The following RFX7 variants were observed in gnomAD, a reference collection of about 807,000 sequenced individuals.
The protein encoded by RFX7 is DNA-binding protein RFX7.
In RFX7, 26 loss-of-function variants were observed where a neutral mutation model predicts 111.8. That is an observed-to-expected ratio of 0.23 (90% CI 0.17 to 0.32). RFX7 has a LOEUF of 0.32. Among genes scored for constraint, RFX7 ranks in the 10% least tolerant of loss-of-function variants. The probability of loss-of-function intolerance (pLI) is 1.00; values close to 1 mark genes in which losing one functional copy is unlikely to be tolerated. For synonymous variants in RFX7, 624 were observed against 624.4 expected (o/e 1.00, Z 0.01); for missense variants, 1,573 against 1,772.9 (o/e 0.89, Z 2.02).
At chr15:56,207,495 C>T (rs2043266079) in intron 2 of RFX7, among the ~76,000 whole-genome samples, 1 of 152,114 alleles carries the variant, frequency 6.6e-6, no homozygotes, top group Non-Finnish European at 1.5e-5. Flanking sequence ...AGCTAAGCCT[C>T]ATACCTTACA....
intron 2 of RFX7, among the ~76,000 whole-genome samples, chr15:56,184,588 C>T (rs377227123): frequency 5.9e-5 from 9 of 152,070 alleles, no homozygotes; most frequent in African/African-American, 2.2e-4. Flanking sequence ...GGTAAATGTT[C>T]TCTATCAATT....
intron 5 of RFX7, among the ~76,000 whole-genome samples, chr15:56,110,541 TG>T (rs764386511): frequency 1.4e-4 from 1 of 7,300 alleles, no homozygotes; most frequent in African/African-American, 3.1e-4. Context: ...GGGAGGGAGG[TG>T]GGGGGGGTCA....
chr15:56,120,577 G>A (rs1475894412), intron 5 of RFX7, among the ~76,000 whole-genome samples: 2 of 152,152 alleles, frequency 1.3e-5, no homozygotes, highest in African/African-American at 4.8e-5. Context: ...AGATCTTAGA[G>A]GAAAGGCTTT....
chr15:56,157,633 T>G (rs1595975000), intron 3 of RFX7, among the ~76,000 whole-genome samples: 1 of 152,220 alleles, frequency 6.6e-6, no homozygotes, highest in East Asian at 1.9e-4. Flanking sequence ...CAGGCTGGAG[T>G]GCAGTGGCAC....
intron 2 of RFX7, chr15:56,193,080 C>A: frequency 4.0e-6 from 1 of 249,600 alleles, no homozygotes; most frequent in South Asian, 6.7e-5. Flanking sequence ...AGGCTTTTCT[C>A]AATTCCCTCT....
intron 5 of RFX7, among the ~76,000 whole-genome samples, chr15:56,121,755 A>C (rs1475485684): frequency 6.6e-6 from 1 of 151,986 alleles, no homozygotes; most frequent in Non-Finnish European, 1.5e-5. Context: ...GTGTATGTTC[A>C]AATAACCTGT....
chr15:56,219,801 T>C (rs2043404751), intron 2 of RFX7, among the ~76,000 whole-genome samples: 1 of 152,240 alleles, frequency 6.6e-6, no homozygotes. Context: ...GTCTTTGTTA[T>C]TGTGAATAGT....
intron 2 of RFX7, among the ~76,000 whole-genome samples, chr15:56,207,818 T>C (rs1234131124): frequency 2.6e-5 from 4 of 152,168 alleles, no homozygotes; most frequent in African/African-American, 7.2e-5. Context: ...ACAACTCTTC[T>C]TAGGATTTGT....
chr15:56,107,040 G>A (rs1187217408), intron 5 of RFX7, among the ~76,000 whole-genome samples: 3 of 152,118 alleles, frequency 2.0e-5, no homozygotes, highest in East Asian at 3.9e-4. Flanking sequence ...TTTCACACCC[G>A]TAATCCCATC....
At chr15:56,228,104 C>G (rs186321958) in intron 2 of RFX7, among the ~76,000 whole-genome samples, 2 of 152,064 alleles carry the variant, frequency 1.3e-5, no homozygotes, top group East Asian at 3.9e-4. Flanking sequence ...TCTGTAGGTA[C>G]AGTGGTTTTT....
At chr15:56,158,706 C>T (rs1274967810) in intron 3 of RFX7, among the ~76,000 whole-genome samples, 1 of 152,046 alleles carries the variant, frequency 6.6e-6, no homozygotes, top group Non-Finnish European at 1.5e-5. Flanking sequence ...CCTGTAGTCT[C>T]AGCTACTTGG....
chr15:56,146,365 G>A (rs1455439984), intron 3 of RFX7, among the ~76,000 whole-genome samples: 1 of 152,088 alleles, frequency 6.6e-6, no homozygotes, highest in African/African-American at 2.4e-5. Context: ...CTCCCAAAGT[G>A]CTGGGATGCT....
intron 2 of RFX7, among the ~76,000 whole-genome samples, chr15:56,179,555 A>G (rs2042941944): frequency 1.3e-5 from 2 of 152,176 alleles, no homozygotes; most frequent in South Asian, 2.1e-4. Flanking sequence ...TGAATAAACA[A>G]TTAAATTTTT....
chr15:56,222,526 CT>C (rs2043438256), intron 2 of RFX7, among the ~76,000 whole-genome samples: 1 of 152,092 alleles, frequency 6.6e-6, no homozygotes, highest in Non-Finnish European at 1.5e-5. Context: ...TTGTTCATTT[CT>C]TTTTCCTCTC....
intron 5 of RFX7, among the ~76,000 whole-genome samples, chr15:56,128,777 T>C (rs1212964502): frequency 6.6e-6 from 1 of 152,120 alleles, no homozygotes; most frequent in Non-Finnish European, 1.5e-5. Flanking sequence ...AAATTATCTC[T>C]ATTTTCAGAT....
At chr15:56,238,846 T>C (rs1393969238) in intron 2 of RFX7, among the ~76,000 whole-genome samples, 1 of 152,132 alleles carries the variant, frequency 6.6e-6, no homozygotes, top group Non-Finnish European at 1.5e-5. Flanking sequence ...TTTTAGTTTT[T>C]TATTTTGAAC....
intron 2 of RFX7, 59 bp downstream of exon 2, chr15:56,243,066 C>CCCCAATG: frequency 4.3e-6 from 5 of 1,161,756 alleles, no homozygotes; most frequent in Non-Finnish European, 5.9e-6. Context: ...GCCCCCCACC[C>CCCCAATG]ACTTTGCAGC....
chr15:56,099,040 C>T (rs561835137), intron 8 of RFX7, among the ~76,000 whole-genome samples: 303 of 151,854 alleles, frequency 2.0e-3, no homozygotes, highest in Non-Finnish European at 2.6e-3. Context: ...ACCTTTAAAA[C>T]AGTAAGATAA....
intron 5 of RFX7, among the ~76,000 whole-genome samples, chr15:56,111,123 G>C (rs199929423): frequency 0.082 from 10,501 of 128,380 alleles, 687 homozygotes; most frequent in East Asian, 0.39. Flanking sequence ...CCCTCTGCCC[G>C]GCCACCACCC....
Sources: allele counts gnomAD v4.1 joint callset (sites outside exome capture counted in the v4.1 genomes callset), GRCh38; gene constraint gnomAD v4.1.1; transcripts MANE v1.5; gene names NCBI Gene and HGNC (gene_info 2026-07-23, HGNC 2026-07-21).